The following CSF2RA variants were observed in gnomAD, a reference collection of about 807,000 sequenced individuals.
CSF2RA encodes colony stimulating factor 2 receptor subunit alpha.
In CSF2RA, 42 loss-of-function variants were observed where a neutral mutation model predicts 51.6. That is an observed-to-expected ratio of 0.81 (90% confidence interval 0.64 to 1.05). CSF2RA has a LOEUF of 1.05. CSF2RA is among the 50% of genes least tolerant of loss of function. The pLI, the probability that CSF2RA is intolerant of heterozygous loss-of-function variation, is 0.00. For synonymous variants in CSF2RA, 222 were observed against 193.0 expected (o/e 1.15, Z -1.24); for missense variants, 530 against 501.1 (o/e 1.06, Z -0.55).
At chrX:1,307,540 C>G (rs1161815287) in intron 12 of CSF2RA, among the ~76,000 whole-genome samples, 3 of 152,256 alleles carry the variant, frequency 2.0e-5, no homozygotes, top group African/African-American at 2.4e-5. Flanking sequence ...TTAGATGAAG[C>G]CCACGCTTCT....
intron 10 of CSF2RA, among the ~76,000 whole-genome samples, 195 bp from the exon 11 acceptor site, chrX:1,303,727 AT>A (rs1279688627): frequency 5.1e-4 from 78 of 152,328 alleles, no homozygotes; most frequent in Non-Finnish European, 9.8e-4. Context: ...TGGGCAAAAC[AT>A]AGGGCAGGCA....
rs1603425652 is a variant in CSF2RA at position 1,284,725 on chromosome X, C to T, written c.77-1053C>T. On this transcript the variant is annotated intron_variant, in intron 3 of 12. Coordinates refer to ENST00000381529, the MANE Select transcript of CSF2RA (RefSeq NM_172245.4). ...TGTCTCCCAGGCTGGAGTGCAGTGG[C>T]GCGATCTCGGCTCATTGCAACCTCC... Among the ~76,000 whole-genome samples the T allele has an allele frequency of 5.9e-5, 8 of 136,728 alleles. No individual in the cohort carries two copies. In the South Asian group the frequency reaches 1.7e-3, roughly 28 times the overall value. 89.7% of individuals were successfully genotyped at this position (136,728 alleles called of 152,430 possible).
chrX:1,287,302 T>C (rs188037891), intron 4 of CSF2RA: 4,395 of 140,998 alleles, frequency 0.031, 117 homozygotes, highest in South Asian at 0.12. Flanking sequence ...TACAGGTGCG[T>C]GCCACCACGC....
At chrX:1,302,587 C>A (rs1460637268) in intron 10 of CSF2RA, among the ~76,000 whole-genome samples, 2 of 152,154 alleles carry the variant, frequency 1.3e-5, no homozygotes, top group Non-Finnish European at 2.9e-5. Context: ...TCACTACAAC[C>A]TCTGCCTCCT....
intron 6 of CSF2RA, among the ~76,000 whole-genome samples, chrX:1,289,738 TTTC>T (rs1457423524): frequency 6.6e-6 from 1 of 151,678 alleles, no homozygotes; most frequent in East Asian, 1.9e-4. Context: ...GTTTTGTGGT[TTTC>T]TTTTGTGTTT....
At chrX:1,272,852 T>G (rs1224331014) in intron 1 of CSF2RA, among the ~76,000 whole-genome samples, 1 of 147,372 alleles carries the variant, frequency 6.8e-6, no homozygotes, top group Non-Finnish European at 1.5e-5. Context: ...GGAGTCTAAC[T>G]TTGTCGCCCA....
intron 11 of CSF2RA, among the ~76,000 whole-genome samples, chrX:1,304,383 G>C (rs2083334960): frequency 7.0e-6 from 1 of 142,494 alleles, no homozygotes; most frequent in South Asian, 2.4e-4. Flanking sequence ...CTGGGCGACA[G>C]GGCGAGACTC....
At chrX:1,295,603 A>C (rs28510573) in intron 9 of CSF2RA, 147 bp downstream of exon 9, 1 of 670,588 alleles carries the variant, frequency 1.5e-6, no homozygotes, top group South Asian at 1.6e-5. Context: ...ACGGTCCCCT[A>C]CTCACCACAC....
At chrX:1,303,084 G>A (rs1371227269) in intron 10 of CSF2RA, among the ~76,000 whole-genome samples, 13 of 140,144 alleles carry the variant, frequency 9.3e-5, no homozygotes, top group Non-Finnish European at 2.0e-4. Flanking sequence ...TTGAGATGGA[G>A]TTTCGCTGTG....
intron 5 of CSF2RA, 48 bp downstream of exon 5, chrX:1,288,690 C>A: frequency 6.2e-7 from 1 of 1,613,886 alleles, no homozygotes; most frequent in Non-Finnish European, 8.5e-7. Context: ...GCCCCACCAC[C>A]CCGCCAGCAT....
At chrX:1,282,827 T>G in intron 3 of CSF2RA, 48 bp downstream of exon 3, 1 of 1,497,256 alleles carries the variant, frequency 6.7e-7, no homozygotes, top group South Asian at 1.1e-5. Context: ...CCTGTTTAGA[T>G]GTCCTGCATC....
chrX:1,294,863 G>A (rs1169513296), intron 8 of CSF2RA, among the ~76,000 whole-genome samples: 3 of 152,002 alleles, frequency 2.0e-5, no homozygotes, highest in African/African-American at 4.8e-5. Flanking sequence ...CCTACACCCA[G>A]TGTAGACAGG....
chrX:1,302,898 G>A (rs1323590077), intron 10 of CSF2RA: 2 of 225,690 alleles, frequency 8.9e-6, no homozygotes, highest in South Asian at 2.0e-4. Flanking sequence ...TTGAGACAGG[G>A]TCTCACTCTG....
At position 1,300,637 on chromosome X, in the gene CSF2RA, G is replaced by A; in HGVS notation, c.946+11G>A. The A allele has an allele frequency of 1.9e-6, 3 of 1,613,852 alleles. No homozygotes were observed. The highest frequency in any genetic ancestry group is 3.3e-5 in the Admixed American group (2 of 59,986). ...AAGCCATTGAATTTGGTAAGCGTTG[G>A]GCGGAGGTAAGGGATGTTTGTGCCG... On this transcript the variant is annotated intron_variant, in intron 10 of 12. Coordinates refer to ENST00000381529, the MANE Select transcript of CSF2RA (RefSeq NM_172245.4).
chrX:1,316,859 C>A, the CSF2RA span, among the ~76,000 whole-genome samples: 30 of 152,372 alleles, frequency 2.0e-4, no homozygotes, highest in African/African-American at 7.2e-4. Flanking sequence ...GGGCGTGGGG[C>A]CAACACGCTT....
At chrX:1,318,065 T>A in the CSF2RA span, among the ~76,000 whole-genome samples, 2 of 150,408 alleles carry the variant, frequency 1.3e-5, no homozygotes, top group East Asian at 3.9e-4. Context: ...CTCGGCTCAC[T>A]GCAACCTCCA....
intron 9 of CSF2RA, among the ~76,000 whole-genome samples, chrX:1,297,924 C>T (rs868623771): frequency 1.1e-3 from 48 of 45,322 alleles, no homozygotes; most frequent in East Asian, 2.3e-3. Context: ...CTACCCATGA[C>T]CCCTGGCAGA....
intron 3 of CSF2RA, among the ~76,000 whole-genome samples, chrX:1,284,195 C>CTCTTTTTTTTTTTTTTTTTT (rs1443798206): frequency 1.1e-5 from 1 of 91,750 alleles, no homozygotes; most frequent in African/African-American, 3.9e-5. Flanking sequence ...CTCTGTCTCT[C>CTCTTTTTTTTTTTTTTTTTT]TTTTTTTTTT....
the CSF2RA span, among the ~76,000 whole-genome samples, chrX:1,321,286 A>G: frequency 1.3e-5 from 2 of 151,774 alleles, no homozygotes; most frequent in Admixed American, 6.6e-5. Context: ...TGGCTAACAC[A>G]ATGAAACCCT....
Sources: allele counts gnomAD v4.1 joint callset (sites outside exome capture counted in the v4.1 genomes callset), GRCh38; gene constraint gnomAD v4.1.1; transcripts MANE v1.5; gene names NCBI Gene and HGNC (gene_info 2026-07-23, HGNC 2026-07-21).